PRICKLE2: variants seen among roughly 807,000 people sequenced by gnomAD.
The protein encoded by PRICKLE2 is prickle-like protein 2.
PRICKLE2 carries 21 observed loss-of-function variants against 81.4 expected under a neutral mutation model. The ratio of observed to expected loss-of-function variants is 0.26; its 90% CI spans 0.18 to 0.37. The LOEUF (loss-of-function observed/expected upper bound fraction) is 0.37, where lower values mean the gene tolerates loss of function less well. PRICKLE2 is among the 10% of genes least tolerant of loss of function. The pLI is 1.00. For synonymous variants in PRICKLE2, 456 were observed against 421.5 expected (o/e 1.08, Z -1.00); for missense variants, 940 against 1,109.0 (o/e 0.85, Z 2.16).
chr3:64,186,691 C>T (rs1266090288), intron 2 of PRICKLE2, among the ~76,000 whole-genome samples: 3 of 152,092 alleles, frequency 2.0e-5, no homozygotes, highest in Non-Finnish European at 2.9e-5. Flanking sequence ...AACTGTTGAA[C>T]GAATAAATGG....
intron 7 of PRICKLE2, among the ~76,000 whole-genome samples, chr3:64,139,516 T>G (rs2077328217): frequency 1.3e-5 from 2 of 152,212 alleles, no homozygotes; most frequent in African/African-American, 4.8e-5. Context: ...CAGCCCCAGA[T>G]TGCCTCCTAA....
chr3:64,256,594 A>G (rs2079528559), intron 2 of PRICKLE2, among the ~76,000 whole-genome samples: 1 of 152,200 alleles, frequency 6.6e-6, no homozygotes, highest in South Asian at 2.1e-4. Context: ...ACCTGCTACT[A>G]AAATTAAATC....
At chr3:64,143,234 G>T (rs2077391532) in intron 7 of PRICKLE2, among the ~76,000 whole-genome samples, 1 of 152,026 alleles carries the variant, frequency 6.6e-6, no homozygotes, top group African/African-American at 2.4e-5. Flanking sequence ...GCAACTAATG[G>T]CCTGAAATTT....
At chr3:64,133,288 G>A (rs1370145331) in intron 7 of PRICKLE2, among the ~76,000 whole-genome samples, 1 of 152,130 alleles carries the variant, frequency 6.6e-6, no homozygotes, top group Non-Finnish European at 1.5e-5. Context: ...TTCACTCAGG[G>A]ATGCTGAGCC....
intron 1 of PRICKLE2, chr3:64,200,736 C>G (rs965615294): frequency 6.6e-6 from 1 of 152,194 alleles, no homozygotes; most frequent in Non-Finnish European, 1.5e-5. Flanking sequence ...CCTGCCTTGG[C>G]CTCCTGAGTA....
intron 2 of PRICKLE2, among the ~76,000 whole-genome samples, chr3:64,262,553 T>C (rs1457994563): frequency 2.6e-5 from 4 of 151,282 alleles, no homozygotes; most frequent in Non-Finnish European, 5.9e-5. Context: ...ATGGGCTGGA[T>C]GGCGTCAACA....
At chr3:64,114,002 C>T (rs1053288496) in intron 7 of PRICKLE2, among the ~76,000 whole-genome samples, 7 of 152,178 alleles carry the variant, frequency 4.6e-5, no homozygotes, top group Non-Finnish European at 7.3e-5. Context: ...ACCTTGGCAC[C>T]TCCAGTGCAG....
intron 2 of PRICKLE2, among the ~76,000 whole-genome samples, chr3:64,258,815 C>T (rs771214121): frequency 7.3e-5 from 5 of 68,452 alleles, no homozygotes; most frequent in Non-Finnish European, 1.1e-4. Flanking sequence ...CAGAGCAAGA[C>T]TCTGTCTCAA....
chr3:64,139,610 G>C (rs1559533209), intron 7 of PRICKLE2, among the ~76,000 whole-genome samples: 1 of 152,170 alleles, frequency 6.6e-6, no homozygotes, highest in African/African-American at 2.4e-5. Flanking sequence ...ATGCAAATTG[G>C]ATCATGTCAC....
chr3:64,141,414 A>G (rs1167803071), intron 7 of PRICKLE2, among the ~76,000 whole-genome samples: 1 of 152,236 alleles, frequency 6.6e-6, no homozygotes, highest in Non-Finnish European at 1.5e-5. Flanking sequence ...TAGTTTATGG[A>G]AAGTACTTAG....
At chr3:64,213,676 T>G (rs1032252612) in intron 1 of PRICKLE2, among the ~76,000 whole-genome samples, 4 of 152,156 alleles carry the variant, frequency 2.6e-5, no homozygotes, top group Admixed American at 6.5e-5. Context: ...TGGCTTCATT[T>G]TGGGGGTGTG....
chr3:64,264,548 G>A (rs2079668985), intron 2 of PRICKLE2, among the ~76,000 whole-genome samples: 1 of 152,168 alleles, frequency 6.6e-6, no homozygotes, highest in Admixed American at 6.5e-5. Flanking sequence ...ATGGCAAGAT[G>A]AGACCTCTTC....
chr3:64,192,279 G>A (rs1020876812), intron 2 of PRICKLE2, among the ~76,000 whole-genome samples: 4 of 152,164 alleles, frequency 2.6e-5, no homozygotes, highest in African/African-American at 9.7e-5. Context: ...CAGGCACTAT[G>A]CTAGGTGCTG....
At chr3:64,187,390 G>T (rs1293190600) in intron 2 of PRICKLE2, among the ~76,000 whole-genome samples, 1 of 152,156 alleles carries the variant, frequency 6.6e-6, no homozygotes, top group Non-Finnish European at 1.5e-5. Context: ...CTCCTGCCCT[G>T]CCCCCTTCTT....
chr3:64,149,012 G>T (rs928868852), intron 6 of PRICKLE2, among the ~76,000 whole-genome samples: 19 of 152,224 alleles, frequency 1.2e-4, no homozygotes, highest in African/African-American at 3.9e-4. Context: ...TATTGCCAAA[G>T]CTACTGCCCC....
At chr3:64,157,661 C>A (rs1277200536) in intron 4 of PRICKLE2, among the ~76,000 whole-genome samples, 2 of 152,158 alleles carry the variant, frequency 1.3e-5, no homozygotes, top group African/African-American at 4.8e-5. Context: ...GCTCTGCAGG[C>A]AGGAGGCAAA....
rs374873926 is a variant in PRICKLE2, at chr3:64,213,077, C to CTTT, written c.-41+11830_-41+11832dup. ...GTCATACTAATGACTGTTTTTTGTT[C>CTTT]TTTTTTTTTTTTTTTTGAGATGGAA... On this transcript the variant is annotated intron_variant, in intron 1 of 7. Transcript: ENST00000638394. Among the ~76,000 whole-genome samples the CTTT allele has an allele frequency of 4.9e-4, 61 of 125,500 alleles. 1 individual carries two copies. Among genetic ancestry groups the CTTT allele is most frequent in the East Asian group, 3.7e-3 (17 of 4,538 alleles). The allele number at this position is 125,500 out of a possible 152,430, so 82.3% of individuals were successfully genotyped here. A position where few individuals can be genotyped will look rare whatever the true frequency, so the allele number is the denominator to read the frequency against.
At chr3:64,151,207 T>C (rs980191664) in intron 6 of PRICKLE2, among the ~76,000 whole-genome samples, 2 of 152,258 alleles carry the variant, frequency 1.3e-5, no homozygotes, top group East Asian at 1.9e-4. Context: ...GCATGCTATA[T>C]AGAGTGTGCT....
At chr3:64,113,599 G>T (rs1287971137) in intron 7 of PRICKLE2, among the ~76,000 whole-genome samples, 1 of 152,128 alleles carries the variant, frequency 6.6e-6, no homozygotes, top group Admixed American at 6.5e-5. Flanking sequence ...TGTCTGCACA[G>T]ATAGGTTTTG....
Sources: allele counts gnomAD v4.1 joint callset (sites outside exome capture counted in the v4.1 genomes callset), GRCh38; gene constraint gnomAD v4.1.1; transcripts MANE v1.5; gene names NCBI Gene and HGNC (gene_info 2026-07-23, HGNC 2026-07-21).